Variants in MTDH observed in about 807,000 individuals in gnomAD.
MTDH encodes protein LYRIC.
Under a neutral mutation model 72.7 loss-of-function variants are expected in MTDH, and 34 were observed. That is an observed-to-expected ratio of 0.47 (90% CI 0.36 to 0.62). MTDH has a LOEUF of 0.62. Ranked by LOEUF, MTDH falls within the 20% of genes least tolerant of loss-of-function variation. MTDH has a pLI of 0.00. For synonymous variants in MTDH, 266 were observed against 268.9 expected (o/e 0.99, Z 0.10); for missense variants, 677 against 699.4 (o/e 0.97, Z 0.36).
intron 9 of MTDH, among the ~76,000 whole-genome samples, chr8:97,715,247 C>T (rs1194482948): frequency 1.3e-5 from 2 of 152,086 alleles, no homozygotes; most frequent in African/African-American, 2.4e-5. Context: ...CCTGCCTGAG[C>T]CTTCCAAGTA....
chr8:97,677,148 A>ACAGTGG (rs1812884418), intron 2 of MTDH, among the ~76,000 whole-genome samples: 2 of 137,340 alleles, frequency 1.5e-5, no homozygotes. Context: ...ACACCACTGC[A>ACAGTGG]CTCCAGCCTG....
At chr8:97,647,492 G>A (rs1586195144) in intron 1 of MTDH, among the ~76,000 whole-genome samples, 1 of 152,136 alleles carries the variant, frequency 6.6e-6, no homozygotes, top group African/African-American at 2.4e-5. Context: ...GAGCCAGGAG[G>A]TGGAGGCTGC....
Position 97,644,656 on chromosome 8 carries a change from G to C in MTDH, c.150G>C (p.Trp50Cys). The C allele has an allele frequency of 6.2e-7, 1 of 1,609,038 alleles. No homozygotes were observed. Among genetic ancestry groups the C allele is most frequent in the South Asian group, 1.1e-5 (1 of 90,510 alleles). ...LGLEPKRYPG[W>C]VILVGTGALG... The stretch of plus-strand genomic sequence containing the variant: ...TGGAGCCGAAACGGTACCCCGGCTG[G>C]GTGATCCTGGTGGGCACTGGCGCGC... Residue 50 changes from tryptophan (W) to cysteine (C), a missense_variant, in exon 1 of 12, where the codon TGG becomes TGC. Transcript: ENST00000336273.
intron 8 of MTDH, among the ~76,000 whole-genome samples, chr8:97,711,703 A>G (rs1279964890): frequency 6.6e-6 from 1 of 152,212 alleles, no homozygotes; most frequent in East Asian, 1.9e-4. Context: ...CCCTAGGTAT[A>G]CTATGCTTTT....
At chr8:97,689,735 T>C (rs1347290886) in intron 5 of MTDH, among the ~76,000 whole-genome samples, 1 of 151,266 alleles carries the variant, frequency 6.6e-6, no homozygotes, top group Non-Finnish European at 1.5e-5. Flanking sequence ...GAAATGGAAT[T>C]TCACCCTTGT....
intron 2 of MTDH, among the ~76,000 whole-genome samples, chr8:97,675,600 A>G (rs1184307917): frequency 6.8e-6 from 1 of 148,132 alleles, no homozygotes; most frequent in Non-Finnish European, 1.5e-5. Context: ...GGCCAGGCAA[A>G]GGGGACTCAT....
chr8:97,715,819 GGATA>G (rs779026769), intron 9 of MTDH, among the ~76,000 whole-genome samples: 3 of 152,146 alleles, frequency 2.0e-5, no homozygotes, highest in Non-Finnish European at 2.9e-5. Context: ...AAATTTTGTA[GGATA>G]GATGTATTCT....
At chr8:97,706,503 G>A (rs1391404262) in intron 7 of MTDH, 123 bp from the exon 8 acceptor site, 4 of 860,294 alleles carry the variant, frequency 4.6e-6, no homozygotes, top group Non-Finnish European at 4.9e-6. Flanking sequence ...CTCTTAAAAT[G>A]TGCTTGGGAG....
At chr8:97,708,082 C>T (rs1814437841) in intron 8 of MTDH, among the ~76,000 whole-genome samples, 1 of 151,558 alleles carries the variant, frequency 6.6e-6, no homozygotes, top group Non-Finnish European at 1.5e-5. Context: ...AATTCTCGTG[C>T]CTCAGCCTCC....
At chr8:97,655,382 ACAG>A (rs1472871536) in intron 1 of MTDH, among the ~76,000 whole-genome samples, 5 of 152,322 alleles carry the variant, frequency 3.3e-5, no homozygotes, top group East Asian at 3.9e-4. Context: ...TTCTTGGAAA[ACAG>A]CAGTTTTTTA....
At chr8:97,720,130 C>G (rs1240109467) in intron 10 of MTDH, among the ~76,000 whole-genome samples, 1 of 151,998 alleles carries the variant, frequency 6.6e-6, no homozygotes, top group Non-Finnish European at 1.5e-5. Context: ...ACTAAAAATA[C>G]AAAAATTGGC....
intron 9 of MTDH, among the ~76,000 whole-genome samples, chr8:97,718,415 TAAG>T (rs980179499): frequency 6.6e-6 from 1 of 152,250 alleles, no homozygotes; most frequent in Non-Finnish European, 1.5e-5. Context: ...TTCTACTATG[TAAG>T]CTTAATTTAT....
At chr8:97,716,581 G>A (rs932353431) in intron 9 of MTDH, among the ~76,000 whole-genome samples, 7 of 151,942 alleles carry the variant, frequency 4.6e-5, no homozygotes, top group African/African-American at 1.7e-4. Flanking sequence ...CCAGCTACTT[G>A]TGAAGTTGAG....
intron 8 of MTDH, among the ~76,000 whole-genome samples, chr8:97,709,275 C>T (rs969253580): frequency 1.3e-5 from 2 of 150,750 alleles, no homozygotes; most frequent in Middle Eastern, 7.0e-3. Flanking sequence ...AGTTAACAGG[C>T]AATGTGAAAG....
intron 9 of MTDH, among the ~76,000 whole-genome samples, chr8:97,716,372 G>T (rs533099828): frequency 8.3e-4 from 125 of 149,716 alleles, no homozygotes; most frequent in African/African-American, 3.0e-3. Flanking sequence ...GGCAACAAGA[G>T]TGAAACTCCA....
intron 6 of MTDH, among the ~76,000 whole-genome samples, chr8:97,695,455 C>T (rs899422833): frequency 6.6e-6 from 1 of 152,006 alleles, no homozygotes; most frequent in Non-Finnish European, 1.5e-5. Context: ...ATAATTAGGA[C>T]ATAAATTAGA....
intron 11 of MTDH, 34 bp from the exon 12 acceptor site, chr8:97,724,565 AT>A (rs755689608): frequency 4.8e-6 from 7 of 1,472,586 alleles, no homozygotes; most frequent in Non-Finnish European, 5.5e-6. Flanking sequence ...CATCCTCCTA[AT>A]TTTTTTCTTC....
Position 97,715,420 on chromosome 8 carries a change from C to T in MTDH, c.1380+1651C>T, listed in dbSNP as rs752889176. On this transcript the variant is annotated intron_variant, in intron 9 of 11. Transcript: ENST00000336273. ...CTGGGATTACAGGTGTGAGCCACCA[C>T]GCCCAGCCACTTACTGTTTTTGAAA... Among the ~76,000 whole-genome samples, 86 of 152,210 alleles carry T rather than the reference C, an allele frequency of 5.7e-4. 1 individual carries two copies. Among genetic ancestry groups the T allele is most frequent in the Non-Finnish European group, 1.9e-4 (13 of 68,034 alleles).
intron 2 of MTDH, among the ~76,000 whole-genome samples, chr8:97,669,940 T>G (rs567710142): frequency 7.2e-6 from 1 of 138,026 alleles, no homozygotes; most frequent in Non-Finnish European, 1.5e-5. Flanking sequence ...AAAAAAAAAC[T>G]ACTCCCTTTT....
Sources: gnomAD v4.1 joint callset for allele counts (sites outside exome capture counted in the v4.1 genomes callset) on GRCh38, gnomAD v4.1.1 for gene constraint, MANE v1.5 for transcripts, NCBI Gene and HGNC (gene_info 2026-07-23, HGNC 2026-07-21) for gene names.